Variants in SLC39A11 observed in about 807,000 individuals in gnomAD.
The protein encoded by SLC39A11 is solute carrier family 39 member 11, also known as zinc transporter ZIP11.
Under a neutral mutation model 36.1 loss-of-function variants are expected in SLC39A11, and 33 were observed. The observed-to-expected ratio is 0.91, with a 90% CI of 0.69 to 1.22. The LOEUF is 1.22. SLC39A11 is among the 50% of genes most tolerant of loss of function. The pLI is 0.00. For missense variants in SLC39A11, 432 were observed against 430.3 expected (o/e 1.00, Z -0.03); for synonymous variants, 166 against 170.3 (o/e 0.97, Z 0.20).
chr17:72,684,433 C>G (rs1440372360), intron 7 of SLC39A11, among the ~76,000 whole-genome samples: 1 of 152,240 alleles, frequency 6.6e-6, no homozygotes, highest in Non-Finnish European at 1.5e-5. Context: ...TTCTCTCCGA[C>G]CAGGGAAACT....
intron 7 of SLC39A11, among the ~76,000 whole-genome samples, chr17:72,666,400 T>C (rs759985280): frequency 6.6e-6 from 1 of 152,216 alleles, no homozygotes; most frequent in Admixed American, 6.5e-5. Flanking sequence ...ATGAGAAAGG[T>C]TGAAAGGGCT....
At chr17:72,814,707 C>T (rs2077529225) in intron 6 of SLC39A11, among the ~76,000 whole-genome samples, 1 of 152,196 alleles carries the variant, frequency 6.6e-6, no homozygotes, top group Non-Finnish European at 1.5e-5. Context: ...CAAACTGATT[C>T]TAATAGCATC....
At chr17:73,012,727 C>T (rs1016673869) in intron 4 of SLC39A11, among the ~76,000 whole-genome samples, 2 of 152,020 alleles carry the variant, frequency 1.3e-5, no homozygotes, top group Non-Finnish European at 2.9e-5. Context: ...CCAGTGACTA[C>T]TGTTCCCATC....
At chr17:72,663,941 G>C (rs1461218441) in intron 7 of SLC39A11, 1 of 153,966 alleles carries the variant, frequency 6.5e-6, no homozygotes, top group African/African-American at 2.4e-5. Context: ...GGTTCTAGCA[G>C]GGGAGCGCAG....
chr17:72,819,386 T>A (rs4300695), intron 6 of SLC39A11, among the ~76,000 whole-genome samples: 1 of 151,348 alleles, frequency 6.6e-6, no homozygotes, highest in African/African-American at 2.4e-5. Flanking sequence ...TGATTTCAGA[T>A]GCCTGGCCTC....
At chr17:72,701,573 CA>C (rs1288715726) in intron 7 of SLC39A11, among the ~76,000 whole-genome samples, 1 of 151,550 alleles carries the variant, frequency 6.6e-6, no homozygotes, top group East Asian at 1.9e-4. Flanking sequence ...ACTAAAAATA[CA>C]AAAATTAGCC....
intron 5 of SLC39A11, among the ~76,000 whole-genome samples, chr17:72,853,012 T>C (rs1326174467): frequency 6.6e-6 from 1 of 151,968 alleles, no homozygotes; most frequent in Non-Finnish European, 1.5e-5. Flanking sequence ...AGACTTTTGA[T>C]TGATTGATTG....
intron 5 of SLC39A11, among the ~76,000 whole-genome samples, chr17:72,877,657 C>T (rs2080979672): frequency 6.6e-6 from 1 of 152,106 alleles, no homozygotes; most frequent in Admixed American, 6.5e-5. Flanking sequence ...CTCTAGCTGC[C>T]TGATTCTGAT....
intron 4 of SLC39A11, among the ~76,000 whole-genome samples, chr17:72,980,518 A>T (rs897106030): frequency 2.0e-5 from 3 of 152,190 alleles, no homozygotes; most frequent in Admixed American, 2.0e-4. Flanking sequence ...GTAAAAAAAA[A>T]TACCTAGACG....
intron 5 of SLC39A11, among the ~76,000 whole-genome samples, chr17:72,858,509 A>T (rs2079780210): frequency 6.6e-6 from 1 of 152,206 alleles, no homozygotes; most frequent in Non-Finnish European, 1.5e-5. Context: ...CTAGTCTGTG[A>T]AGAATGTCAT....
chr17:72,809,645 G>C (rs938865250), intron 6 of SLC39A11, among the ~76,000 whole-genome samples: 1 of 152,186 alleles, frequency 6.6e-6, no homozygotes, highest in African/African-American at 2.4e-5. Context: ...GTCCAAAAGA[G>C]AGAGACTCTT....
At position 72,870,466 on chromosome 17, in the gene SLC39A11, C is replaced by G. The variant is rs182005168; in HGVS notation, c.431-20662G>C. 2.3e-3 allele frequency among the ~76,000 whole-genome samples: 355 copies of G among 152,328 alleles called. 1 individual carries two copies. Among genetic ancestry groups the G allele is most frequent in the South Asian group, 3.7e-3 (18 of 4,824 alleles). The stretch of plus-strand genomic sequence containing the variant: ...TGGCTTCACTGCTGAAAACGGGTGC[C>G]CTGCGGCAATGTGTTCATTTGCAAA... On this transcript the variant is annotated intron_variant, in intron 5 of 9. Coordinates refer to ENST00000255559, the MANE Select transcript of SLC39A11 (RefSeq NM_139177.4).
chr17:73,046,901 A>G (rs1285028449), intron 3 of SLC39A11, among the ~76,000 whole-genome samples: 2 of 152,154 alleles, frequency 1.3e-5, no homozygotes, highest in Non-Finnish European at 2.9e-5. Flanking sequence ...TAATCTCATC[A>G]CTGCACTCCA....
intron 7 of SLC39A11, among the ~76,000 whole-genome samples, chr17:72,729,263 C>T (rs944776025): frequency 3.4e-5 from 5 of 148,394 alleles, no homozygotes; most frequent in African/African-American, 7.4e-5. Context: ...TTTTGAGGCA[C>T]AGTCTCTCTA....
At chr17:72,951,968 C>A (rs894411657) in intron 4 of SLC39A11, among the ~76,000 whole-genome samples, 4 of 152,096 alleles carry the variant, frequency 2.6e-5, no homozygotes, top group African/African-American at 9.6e-5. Context: ...GGCAGGGAGA[C>A]GAGCACTAAG....
chr17:73,009,058 CAA>C (rs34448509), intron 4 of SLC39A11, among the ~76,000 whole-genome samples: 82 of 78,818 alleles, frequency 1.0e-3, no homozygotes, highest in East Asian at 1.7e-3. Context: ...AGACCTGCCT[CAA>C]AAAAAAAAAA....
chr17:72,856,836 C>A (rs2079666056), intron 5 of SLC39A11, among the ~76,000 whole-genome samples: 1 of 152,038 alleles, frequency 6.6e-6, no homozygotes, highest in Admixed American at 6.5e-5. Context: ...ATGCACCACC[C>A]CACCCGGCTA....
At chr17:72,882,360 TAAAAAAA>T (rs11332921) in intron 5 of SLC39A11, among the ~76,000 whole-genome samples, 1 of 126,280 alleles carries the variant, frequency 7.9e-6, no homozygotes, top group Non-Finnish European at 1.7e-5. Context: ...TTCCTATATC[TAAAAAAA>T]AAAAAAAAAA....
At chr17:72,782,865 G>C (rs1381682827) in intron 6 of SLC39A11, among the ~76,000 whole-genome samples, 1 of 151,322 alleles carries the variant, frequency 6.6e-6, no homozygotes. Flanking sequence ...AGCCAGACGG[G>C]GTGGTGCCCA....
Sources: allele counts gnomAD v4.1 joint callset (sites outside exome capture counted in the v4.1 genomes callset), GRCh38; gene constraint gnomAD v4.1.1; transcripts MANE v1.5; gene names NCBI Gene and HGNC (gene_info 2026-07-23, HGNC 2026-07-21).